The following RICTOR variants were observed in gnomAD, a reference collection of about 807,000 sequenced individuals.
RICTOR encodes rapamycin-insensitive companion of mTOR.
A neutral mutation model predicts 214.9 loss-of-function variants in RICTOR; 49 were observed. The ratio of observed to expected loss-of-function variants is 0.23; its 90% confidence interval spans 0.18 to 0.29. The LOEUF (loss-of-function observed/expected upper bound fraction) is 0.29, where lower values mean the gene tolerates loss of function less well. Ranked by LOEUF, RICTOR falls within the 10% of genes least tolerant of loss-of-function variation. The pLI, the probability that RICTOR is intolerant of heterozygous loss-of-function variation, is 1.00. For synonymous variants in RICTOR, 717 were observed against 711.3 expected, an observed-to-expected ratio of 1.01 and a Z score of -0.13; for missense variants, 1,625 against 2,047.0, an observed-to-expected ratio of 0.79 and a Z score of 3.98.
At chr5:39,008,487 C>T (rs564554719) in intron 3 of RICTOR, among the ~76,000 whole-genome samples, 229 of 152,048 alleles carry the variant, frequency 1.5e-3, no homozygotes, top group Non-Finnish European at 2.8e-3. Flanking sequence ...ACCAGTTTGA[C>T]GCCAGAGCCC....
At chr5:38,998,535 C>T (rs1039309201) in intron 5 of RICTOR, among the ~76,000 whole-genome samples, 10 of 152,036 alleles carry the variant, frequency 6.6e-5, no homozygotes, top group African/African-American at 2.4e-4. Context: ...CAATATGAGG[C>T]ACGGTTTAAA....
chr5:39,020,055 G>A (rs922475630), intron 3 of RICTOR, among the ~76,000 whole-genome samples: 1 of 152,192 alleles, frequency 6.6e-6, no homozygotes, highest in East Asian at 1.9e-4. Context: ...ACTAGAATTA[G>A]AGGGGGAGCC....
At position 38,950,202 on chromosome 5, in the gene RICTOR, G is replaced by A. The variant is rs895560221; in HGVS notation, c.3646C>T (p.Arg1216Cys). ...GTGTCTGTATTGAAACTTTGGCTAC[G>A]TATCTTCATATGTGAGCTCGTTGAA... ...ESSTSSHMKI[R>C]SQSFNTDTTT... Residue 1216 changes from arginine to cysteine, a missense_variant, in exon 31 of 38, where the codon CGT (arginine) becomes TGT (cysteine). By Grantham distance (180) the Arg-to-Cys change is radical. Transcript: ENST00000357387. 1.9e-6 allele frequency: 3 copies of A among 1,613,378 alleles called. No homozygotes were observed. Among genetic ancestry groups the A allele is most frequent in the South Asian group, 1.1e-5 (1 of 91,064 alleles).
chr5:39,069,980 T>C (rs1455001586), intron 2 of RICTOR, among the ~76,000 whole-genome samples: 1 of 152,240 alleles, frequency 6.6e-6, no homozygotes, highest in African/African-American at 2.4e-5. Context: ...AATTTATTTT[T>C]CCACCTGCAA....
rs150855991 is a variant in RICTOR at position 39,051,158 on chromosome 5, A to T, written c.97+22953T>A. On this transcript the variant is annotated intron_variant, in intron 2 of 37. Coordinates refer to ENST00000357387, the MANE Select transcript of RICTOR (RefSeq NM_152756.5). ...CTTACATATAAGCAGCAGGATTCATATACAAGACTATACATAAAATCACTG... is the reference window on the plus strand; with the variant it reads ...CTTACATATAAGCAGCAGGATTCATTTACAAGACTATACATAAAATCACTG... Among the ~76,000 whole-genome samples, 233 of 152,326 alleles carry T rather than the reference A, an allele frequency of 1.5e-3. 2 individuals carry two copies. The highest frequency in any genetic ancestry group is 5.4e-3 in the African/African-American group (224 of 41,566).
At position 38,942,226 on chromosome 5, in the gene RICTOR, C is replaced by T. The variant is rs751632869; in HGVS notation, c.*78G>A. 230 of 822,340 alleles carry T rather than the reference C, an allele frequency of 2.8e-4. 1 individual carries two copies. The highest frequency in any genetic ancestry group is 4.0e-4 in the Non-Finnish European group (203 of 504,994). The allele number at this position is 822,340 out of a possible 1,614,324, so 50.9% of individuals were successfully genotyped here. A position where few individuals can be genotyped will look rare whatever the true frequency, so the allele number is the denominator to read the frequency against. On this transcript the variant is annotated 3_prime_UTR_variant, in exon 38 of 38. Coordinates refer to ENST00000357387, the MANE Select transcript of RICTOR (RefSeq NM_152756.5). ...CTCCTGTCTTTGCTGCCTAGTCAGT[C>T]GTATTTTCTGAGGCTTTTAGGAAAT...
At chr5:38,944,306 C>A in intron 36 of RICTOR, 140 bp downstream of exon 36, 1 of 830,406 alleles carries the variant, frequency 1.2e-6, no homozygotes, top group Non-Finnish European at 2.0e-6. Flanking sequence ...TAAAGAAAAT[C>A]TAGCCTCACA....
chr5:38,979,360 G>A (rs1226608842), intron 8 of RICTOR, among the ~76,000 whole-genome samples: 1 of 152,118 alleles, frequency 6.6e-6, no homozygotes, highest in African/African-American at 2.4e-5. Context: ...CTGTGGACAT[G>A]AATTTTAGTT....
In RICTOR at chr5:38,947,243, C is replaced by A. The variant is rs1446839178; in HGVS notation, c.4314+21G>T. ...AATAGGAAACCAACTCATAGGAAAACAATAAAATGTATGATAATACCTGGA... is the reference window on the plus strand; with the variant it reads ...AATAGGAAACCAACTCATAGGAAAAAAATAAAATGTATGATAATACCTGGA... On this transcript the variant is annotated intron_variant, in intron 32 of 37. Coordinates refer to ENST00000357387, the MANE Select transcript of RICTOR (RefSeq NM_152756.5). 7 of 1,564,440 alleles carry A rather than the reference C, an allele frequency of 4.5e-6. No individual in the cohort carries two copies. In the African/African-American group the frequency reaches 6.9e-5, roughly 15 times the overall value.
chr5:38,992,207 C>T (rs1752839399), intron 6 of RICTOR, among the ~76,000 whole-genome samples: 1 of 151,990 alleles, frequency 6.6e-6, no homozygotes, highest in African/African-American at 2.4e-5. Flanking sequence ...TCTACAAAAG[C>T]TTTCATATTC....
chr5:39,016,440 GAGA>G (rs1271018721), intron 3 of RICTOR, among the ~76,000 whole-genome samples: 1 of 151,888 alleles, frequency 6.6e-6, no homozygotes, highest in African/African-American at 2.4e-5. Flanking sequence ...GAGAAGGGAT[GAGA>G]AGGAGAAAGG....
chr5:38,997,555 G>A (rs1753267128), intron 5 of RICTOR, among the ~76,000 whole-genome samples: 1 of 151,890 alleles, frequency 6.6e-6, no homozygotes, highest in Non-Finnish European at 1.5e-5. Context: ...TTAATCTAAG[G>A]CAATCCTATT....
At chr5:38,991,624 C>T (rs1167845439) in intron 6 of RICTOR, among the ~76,000 whole-genome samples, 2 of 152,068 alleles carry the variant, frequency 1.3e-5, no homozygotes, top group African/African-American at 4.8e-5. Flanking sequence ...TCACCTCTCC[C>T]ATCAATCACT....
At chr5:39,068,438 T>C (rs915851000) in intron 2 of RICTOR, among the ~76,000 whole-genome samples, 7 of 152,176 alleles carry the variant, frequency 4.6e-5, no homozygotes, top group African/African-American at 1.4e-4. Context: ...TTGAGATGTG[T>C]ATGGTTAAAA....
At chr5:39,060,009 T>C (rs1758435333) in intron 2 of RICTOR, among the ~76,000 whole-genome samples, 1 of 152,086 alleles carries the variant, frequency 6.6e-6, no homozygotes, top group African/African-American at 2.4e-5. Context: ...GACACCATGC[T>C]TTTAGTCAAT....
intron 2 of RICTOR, among the ~76,000 whole-genome samples, chr5:39,053,214 T>C (rs969817014): frequency 1.6e-4 from 24 of 152,214 alleles, no homozygotes; most frequent in African/African-American, 5.5e-4. Flanking sequence ...AATAATACAA[T>C]TTAATAAGTA....
At chr5:38,960,951 G>A (rs550735483) in intron 19 of RICTOR, among the ~76,000 whole-genome samples, 1 of 152,098 alleles carries the variant, frequency 6.6e-6, no homozygotes, top group South Asian at 2.1e-4. Flanking sequence ...TATGTTTCCT[G>A]AGGCCTCCCT....
chr5:39,053,849 C>G (rs1193729545), intron 2 of RICTOR, among the ~76,000 whole-genome samples: 1 of 136,382 alleles, frequency 7.3e-6, no homozygotes, highest in Non-Finnish European at 1.5e-5. Context: ...GCCGAGATTG[C>G]GCCACTGCAC....
chr5:38,968,601 G>T (rs1297095776), intron 11 of RICTOR, among the ~76,000 whole-genome samples: 1 of 151,912 alleles, frequency 6.6e-6, no homozygotes, highest in Non-Finnish European at 1.5e-5. Context: ...CACTGGGTGT[G>T]GTGGCACGTT....
Sources: allele counts gnomAD v4.1 joint callset (sites outside exome capture counted in the v4.1 genomes callset), GRCh38; gene constraint gnomAD v4.1.1; transcripts MANE v1.5; gene names NCBI Gene and HGNC (gene_info 2026-07-23, HGNC 2026-07-21).